The following HDAC9 variants were observed in gnomAD, a reference collection of about 807,000 sequenced individuals.
The protein encoded by HDAC9 is MEF-2 interacting transcription repressor (MITR) protein.
Under a neutral mutation model 139.4 loss-of-function variants are expected in HDAC9, and 41 were observed. The ratio of observed to expected loss-of-function variants is 0.29; its 90% CI spans 0.23 to 0.38. HDAC9 has a LOEUF of 0.38. Among genes scored for constraint, HDAC9 ranks in the 10% least tolerant of loss-of-function variants. HDAC9 has a pLI of 1.00. For missense variants in HDAC9, 1,147 were observed against 1,297.0 expected (o/e 0.88, Z 1.78); for synonymous variants, 517 against 476.2 (o/e 1.09, Z -1.12).
At chr7:18,992,313 G>A (rs1006549000) in intron 25 of HDAC9, among the ~76,000 whole-genome samples, 6 of 152,136 alleles carry the variant, frequency 3.9e-5, no homozygotes, top group Non-Finnish European at 7.3e-5. Context: ...GAGATGCCAC[G>A]TAGAAGTTAC....
chr7:18,829,360 C>T lies in HDAC9; in HGVS notation c.2379-101C>T, dbSNP rs143876343. 6.0e-5 allele frequency: 67 copies of T among 1,121,852 alleles called. No homozygotes were observed. In the African/African-American group the frequency reaches 9.5e-4, roughly 16 times the overall value. The allele number at this position is 1,121,852 out of a possible 1,614,324, so 69.5% of individuals were successfully genotyped here. A position where few individuals can be genotyped will look rare whatever the true frequency, so the allele number is the denominator to read the frequency against. ...ACTCCCAGAAGCAGATTTATGGCTT[C>T]AGAGATCATATAGCATTTAAAAAAA... is the stretch of plus-strand genomic sequence containing the variant. On this transcript the variant is annotated intron_variant, in intron 18 of 25. Coordinates refer to ENST00000686413, the MANE Select transcript of HDAC9 (RefSeq NM_178425.4).
intron 1 of HDAC9, among the ~76,000 whole-genome samples, chr7:18,445,236 G>C (rs536630114): frequency 3.3e-5 from 5 of 152,302 alleles, no homozygotes; most frequent in African/African-American, 1.2e-4. Flanking sequence ...TGAAGGTAAA[G>C]TTAGTTCTAT....
At chr7:18,266,761 C>T (rs1207664913) in intron 2 of HDAC9, among the ~76,000 whole-genome samples, 1 of 152,114 alleles carries the variant, frequency 6.6e-6, no homozygotes, top group Non-Finnish European at 1.5e-5. Flanking sequence ...CCTGCCATCA[C>T]TTCTGTACCA....
Position 19,000,457 on chromosome 7 carries a change from G to A in HDAC9, c.*4395G>A, listed in dbSNP as rs1786696610. On this transcript the variant is annotated 3_prime_UTR_variant, in exon 26 of 26. Transcript: ENST00000686413. ...AGGATGACATTTGTAAGTGAACGTG[G>A]TATACTCACACATGCTATACTCATA... 6.6e-6 allele frequency: 1 copy of A among 152,162 alleles called. No individual in the cohort carries two copies. The highest frequency in any genetic ancestry group is 2.1e-4 in the South Asian group (1 of 4,832). The allele number at this position is 152,162 out of a possible 1,614,324, so 9.4% of individuals were successfully genotyped here.
chr7:18,183,320 T>C (rs1386132235), intron 2 of HDAC9, among the ~76,000 whole-genome samples: 3 of 152,164 alleles, frequency 2.0e-5, no homozygotes, highest in Non-Finnish European at 4.4e-5. Flanking sequence ...TGGTTTGTTT[T>C]TTTAAAAAAA....
chr7:18,859,549 TAA>T (rs556494978), intron 21 of HDAC9, among the ~76,000 whole-genome samples: 8 of 139,856 alleles, frequency 5.7e-5, no homozygotes, highest in African/African-American at 1.0e-4. Context: ...GCTACGCAAT[TAA>T]AAAAAAAAAA....
chr7:18,111,882 C>T (rs966956178), intron 1 of HDAC9, among the ~76,000 whole-genome samples: 2 of 152,108 alleles, frequency 1.3e-5, no homozygotes, highest in Non-Finnish European at 2.9e-5. Flanking sequence ...AGAGCAGGTG[C>T]AGTAGAGTGG....
chr7:18,698,955 G>T (rs115901880), intron 12 of HDAC9, among the ~76,000 whole-genome samples: 33 of 152,232 alleles, frequency 2.2e-4, no homozygotes, highest in Middle Eastern at 3.4e-3. Flanking sequence ...CATCCTATTT[G>T]TTGGGAAAAA....
chr7:18,141,375 G>C (rs2128109983), intron 1 of HDAC9, among the ~76,000 whole-genome samples: 1 of 152,180 alleles, frequency 6.6e-6, no homozygotes, highest in Non-Finnish European at 1.5e-5. Context: ...TTGATCCAAG[G>C]TGCAGAGAGT....
At chr7:18,447,642 T>C (rs1792419715) in intron 1 of HDAC9, among the ~76,000 whole-genome samples, 1 of 152,218 alleles carries the variant, frequency 6.6e-6, no homozygotes, top group Non-Finnish European at 1.5e-5. Context: ...AACATCTGTA[T>C]TCAGAGTTTT....
intron 1 of HDAC9, among the ~76,000 whole-genome samples, chr7:18,301,966 G>A (rs1461627684): frequency 3.3e-5 from 5 of 152,166 alleles, no homozygotes; most frequent in Non-Finnish European, 5.9e-5. Context: ...ATTTGACCAA[G>A]TAATTTATTT....
intron 24 of HDAC9, among the ~76,000 whole-genome samples, chr7:18,973,479 G>C (rs180923211): frequency 1.3e-5 from 2 of 152,294 alleles, no homozygotes; most frequent in African/African-American, 4.8e-5. Context: ...ACATTAACTT[G>C]AAAGTAAGTT....
chr7:18,917,419 T>C (rs74894229), intron 22 of HDAC9, among the ~76,000 whole-genome samples: 7,342 of 151,948 alleles, frequency 0.048, 252 homozygotes, highest in South Asian at 0.13. Context: ...ATCTCACAAA[T>C]AAATTGAAAA....
chr7:18,263,848 G>T (rs1584912516), intron 2 of HDAC9, among the ~76,000 whole-genome samples: 1 of 151,990 alleles, frequency 6.6e-6, no homozygotes, highest in South Asian at 2.1e-4. Context: ...TGAACCCCTG[G>T]CCTGAAGTGA....
intron 1 of HDAC9, among the ~76,000 whole-genome samples, chr7:18,372,234 A>G (rs188458194): frequency 1.3e-5 from 2 of 152,350 alleles, no homozygotes; most frequent in Non-Finnish European, 2.9e-5. Flanking sequence ...GAACAGAATC[A>G]TTGCAACTGT....
intron 2 of HDAC9, among the ~76,000 whole-genome samples, chr7:18,238,224 T>C (rs1284231950): frequency 6.6e-6 from 1 of 152,232 alleles, no homozygotes; most frequent in Non-Finnish European, 1.5e-5. Flanking sequence ...TTCTACAGCA[T>C]TTATAATTTG....
intron 1 of HDAC9, among the ~76,000 whole-genome samples, chr7:18,378,877 C>G (rs1366566275): frequency 6.6e-6 from 1 of 152,024 alleles, no homozygotes; most frequent in African/African-American, 2.4e-5. Context: ...TTTAGTAGAA[C>G]TAAATATGGA....
intron 2 of HDAC9, among the ~76,000 whole-genome samples, chr7:18,279,036 T>C (rs1416049480): frequency 6.6e-6 from 1 of 152,172 alleles, no homozygotes; most frequent in Non-Finnish European, 1.5e-5. Flanking sequence ...ATTAGAAAGA[T>C]ATCGGACCAA....
At chr7:18,958,586 C>G (rs1049621217) in intron 24 of HDAC9, among the ~76,000 whole-genome samples, 2 of 152,148 alleles carry the variant, frequency 1.3e-5, no homozygotes, top group African/African-American at 4.8e-5. Flanking sequence ...CTTTTGATGG[C>G]AGATATTATT....
Sources: allele counts gnomAD v4.1 joint callset (sites outside exome capture counted in the v4.1 genomes callset), GRCh38; gene constraint gnomAD v4.1.1; transcripts MANE v1.5; gene names NCBI Gene and HGNC (gene_info 2026-07-23, HGNC 2026-07-21).